Variants in RPS25 observed in about 807,000 individuals in gnomAD.
The protein encoded by RPS25 is ribosomal protein S25.
Under a neutral mutation model 14.4 loss-of-function variants are expected in RPS25, and 1 was observed. The observed-to-expected ratio is 0.07, with a 90% CI of 0.02 to 0.33. The LOEUF is 0.33. Ranked by LOEUF, RPS25 falls within the 10% of genes least tolerant of loss-of-function variation. The pLI is 1.00. For synonymous variants in RPS25, 63 were observed against 53.8 expected, an observed-to-expected ratio of 1.17 and a Z score of -0.75; for missense variants, 65 against 144.6, an observed-to-expected ratio of 0.45 and a Z score of 2.82.
Position 119,018,308 on chromosome 11 carries a change from A to C in RPS25, c.-24T>G. The stretch of plus-strand genomic sequence containing the variant: ...ATTGCGAAGCTCGGAGAATAGCAGC[A>C]GACACCGCAGCCTCGTCAAGATGTC... On this transcript the variant is annotated 5_prime_UTR_variant, in exon 1 of 5. Coordinates refer to ENST00000527673, the MANE Select transcript of RPS25 (RefSeq NM_001028.3). 1 of 1,614,168 alleles carries C rather than the reference A, an allele frequency of 6.2e-7. No individual in the cohort carries two copies. The highest frequency in any genetic ancestry group is 1.3e-5 in the African/African-American group (1 of 75,064).
At chr11:119,017,644 T>C (rs1943194288) in intron 2 of RPS25, 99 bp from the exon 3 acceptor site, 2 of 1,128,206 alleles carry the variant, frequency 1.8e-6, no homozygotes, top group South Asian at 3.0e-5. Flanking sequence ...TCCACCGTTA[T>C]CAAGGATAAA....
intron 1 of RPS25, 104 bp from the exon 2 acceptor site, chr11:119,018,157 C>A: frequency 6.4e-7 from 1 of 1,570,114 alleles, no homozygotes; most frequent in South Asian, 1.1e-5. Context: ...AGCACATGGG[C>A]CAAGCAATAA....
chr11:119,016,089 A>AC, intron 3 of RPS25, 150 bp from the exon 4 acceptor site: 1 of 563,758 alleles, frequency 1.8e-6, no homozygotes, highest in Non-Finnish European at 3.3e-6. Flanking sequence ...GGAGTTGCAC[A>AC]CCAGCCTGGC....
chr11:119,017,507 G>A lies in RPS25; in HGVS notation c.138C>T (p.Asn46=), dbSNP rs201538285. The change falls in exon 3 of 5, where the codon AAC becomes AAT. Residue 46 remains asparagine, a synonymous_variant. Transcript: ENST00000527673. ...SKGKVRDKLN[N]LVLFDKATYD... ...AGGTAGCTTTGTCAAACAAGACTAA[G>A]TTATTGAGCTTGTCCCGAACTTTGC... 6.1e-5 allele frequency: 99 copies of A among 1,614,020 alleles called. No individual in the cohort carries two copies. Among genetic ancestry groups the A allele is most frequent in the Non-Finnish European group, 7.5e-5 (89 of 1,180,016 alleles).
At chr11:119,017,171 A>G (rs782149566) in intron 3 of RPS25, among the ~76,000 whole-genome samples, 191 bp downstream of exon 3, 7 of 152,230 alleles carry the variant, frequency 4.6e-5, no homozygotes, top group Non-Finnish European at 1.0e-4. Context: ...CCACGGCACA[A>G]AAGTGGCTAA....
intron 3 of RPS25, 38 bp downstream of exon 3, chr11:119,017,324 T>C: frequency 1.3e-6 from 2 of 1,483,232 alleles, no homozygotes; most frequent in Non-Finnish European, 1.8e-6. Context: ...CAAGACAATT[T>C]AACCTACAAA....
At chr11:119,018,208 G>C (rs970343431) in intron 1 of RPS25, 74 bp downstream of exon 1, 2 of 1,607,276 alleles carry the variant, frequency 1.2e-6, no homozygotes, top group Non-Finnish European at 1.7e-6. Context: ...GCCAAGGAGC[G>C]CTCCCGCCGA....
intron 3 of RPS25, 112 bp from the exon 4 acceptor site, chr11:119,016,051 G>A: frequency 1.5e-6 from 1 of 659,018 alleles, no homozygotes; most frequent in South Asian, 1.8e-5. Flanking sequence ...GCTTTGGGAG[G>A]TGGAGACGGG....
chr11:119,018,102 G>A (rs1464251247), intron 1 of RPS25, 49 bp from the exon 2 acceptor site: 9 of 1,587,006 alleles, frequency 5.7e-6, no homozygotes, highest in Middle Eastern at 3.8e-4. Context: ...TAGCGCCAAA[G>A]TCCCCTAATA....
chr11:119,015,809 C>T (rs1465904445), intron 4 of RPS25, 32 bp downstream of exon 4: 2 of 1,438,064 alleles, frequency 1.4e-6, no homozygotes, highest in Non-Finnish European at 2.0e-6. Flanking sequence ...GTATCTACCT[C>T]CTACACCATG....
At chr11:119,015,795 C>G (rs1943140886) in intron 4 of RPS25, 37 bp from the exon 5 acceptor site, 2 of 1,380,376 alleles carry the variant, frequency 1.4e-6, no homozygotes, top group African/African-American at 1.4e-5. Context: ...AACCATAAAG[C>G]TTTGTATCTA....
intron 3 of RPS25, among the ~76,000 whole-genome samples, chr11:119,016,555 C>T (rs1350794797): frequency 1.3e-5 from 2 of 151,776 alleles, no homozygotes; most frequent in Non-Finnish European, 2.9e-5. Flanking sequence ...CTTAATCTGA[C>T]GTTCGGTAAC....
In RPS25 at chr11:119,018,105, C is replaced by T. The variant is rs1374337107; in HGVS notation, c.4-52G>A. 4 of 1,581,364 alleles carry T rather than the reference C, an allele frequency of 2.5e-6. No homozygotes were observed. In the East Asian group the frequency reaches 6.7e-5, roughly 27 times the overall value. ...CAGGTCCTCAAATAGCGCCAAAGTCCCCTAATACTGCGCCCTCAGCCCCCG... is the reference window on the plus strand; with the variant it reads ...CAGGTCCTCAAATAGCGCCAAAGTCTCCTAATACTGCGCCCTCAGCCCCCG... On this transcript the variant is annotated intron_variant, in intron 1 of 4. Coordinates refer to ENST00000527673, the MANE Select transcript of RPS25 (RefSeq NM_001028.3).
At chr11:119,016,848 C>G (rs921173159) in intron 3 of RPS25, among the ~76,000 whole-genome samples, 1 of 152,136 alleles carries the variant, frequency 6.6e-6, no homozygotes, top group Non-Finnish European at 1.5e-5. Flanking sequence ...TCTTTAACTC[C>G]TGACCTCCGT....
Position 119,015,928 on chromosome 11 carries a change from G to A in RPS25, c.295C>T (p.Leu99=), listed in dbSNP as rs1476368964. The change falls in exon 4 of 5, where the codon CTG becomes TTG. Residue 99 remains leucine (L), a synonymous_variant. Coordinates refer to ENST00000527673, the MANE Select transcript of RPS25 (RefSeq NM_001028.3). The part of the protein sequence containing the change: ...QELLSKGLIK[L]VSKHRAQVIY... ...ACTTGAGCTCTGTGCTTTGAAACCA[G>A]TTTGATAAGTCCTAGGGGGAGAGAA... is the stretch of plus-strand genomic sequence containing the variant. The A allele has an allele frequency of 1.3e-6, 2 of 1,594,368 alleles. No homozygotes were observed. Among genetic ancestry groups the A allele is most frequent in the Non-Finnish European group, 1.7e-6 (2 of 1,162,162 alleles).
intron 2 of RPS25, 198 bp downstream of exon 2, chr11:119,017,760 A>G: frequency 1.5e-6 from 1 of 660,848 alleles, no homozygotes; most frequent in Non-Finnish European, 2.6e-6. Context: ...CAGCAGGCAC[A>G]GCGGCAGACA....
chr11:119,015,777 AG>A lies in RPS25; in HGVS notation c.*5-20del. On this transcript the variant is annotated intron_variant, in intron 4 of 4. Coordinates refer to ENST00000527673, the MANE Select transcript of RPS25 (RefSeq NM_001028.3). The stretch of plus-strand genomic sequence containing the variant: ...GTTGGACCTGTAAAAAAAAATTAAA[AG>A]AATCAGAACCATAAAGCTTTGTATC... The A allele has an allele frequency of 7.5e-7, 1 of 1,337,628 alleles. No homozygotes were observed. Among genetic ancestry groups the A allele is most frequent in the Non-Finnish European group, 1.1e-6 (1 of 945,338 alleles). The allele number at this position is 1,337,628 out of a possible 1,614,324, so 82.9% of individuals were successfully genotyped here.
chr11:119,016,464 C>T (rs1336274065), intron 3 of RPS25, among the ~76,000 whole-genome samples: 2 of 152,106 alleles, frequency 1.3e-5, no homozygotes, highest in Non-Finnish European at 2.9e-5. Context: ...CTTAAAACTC[C>T]TTGGCTCAAA....
chr11:119,018,277 C>T lies in RPS25; in HGVS notation c.3+5G>A, dbSNP rs200228370. On this transcript the variant is annotated splice_donor_5th_base_variant and intron_variant, in intron 1 of 4. Coordinates refer to ENST00000527673, the MANE Select transcript of RPS25 (RefSeq NM_001028.3). ...CGCCGGCGACTTCACACCCCTGAAG[C>T]TTACCATTGCGAAGCTCGGAGAATA... 125 of 1,614,026 alleles carry T rather than the reference C, an allele frequency of 7.7e-5. No homozygotes were observed. The highest frequency in any genetic ancestry group is 9.1e-5 in the Non-Finnish European group (107 of 1,180,014).
Sources: gnomAD v4.1 joint callset for allele counts (sites outside exome capture counted in the v4.1 genomes callset) on GRCh38, gnomAD v4.1.1 for gene constraint, MANE v1.5 for transcripts, NCBI Gene and HGNC (gene_info 2026-07-23, HGNC 2026-07-21) for gene names.